The following VEPH1 variants were observed in gnomAD, a reference collection of about 807,000 sequenced individuals.
VEPH1 encodes ventricular zone-expressed PH domain-containing protein homolog 1.
In VEPH1, 80 loss-of-function variants were observed where a neutral mutation model predicts 85.2. That is an observed-to-expected ratio of 0.94 (90% CI 0.78 to 1.13). VEPH1 has a LOEUF of 1.13. VEPH1 is among the 50% of genes most tolerant of loss of function. The probability of loss-of-function intolerance (pLI) is 0.00; values close to 1 mark genes in which losing one functional copy is unlikely to be tolerated. For synonymous variants in VEPH1, 297 were observed against 348.0 expected (o/e 0.85, Z 1.63); for missense variants, 955 against 980.5 (o/e 0.97, Z 0.35).
chr3:157,470,394 G>T lies in VEPH1; in HGVS notation c.274C>A (p.His92Asn), dbSNP rs548131156. The T allele has an allele frequency of 5.8e-5, 93 of 1,614,122 alleles. 1 individual carries two copies. Among genetic ancestry groups the T allele is most frequent in the African/African-American group, 9.3e-5 (7 of 75,034 alleles). ...LVGLWDSCLE[H>N]NLRPFGKDED... ...TCTTTCCCAAAGGGTCTCAGGTTAT[G>T]TTCCAAGCAGGAGTCCCAGAGCCCC... The change falls in exon 3 of 14, where the codon CAT becomes AAT. Residue 92 changes from histidine (H) to asparagine (N), a missense_variant. Coordinates refer to ENST00000362010, the MANE Select transcript of VEPH1 (RefSeq NM_001167912.2).
At position 157,411,784 on chromosome 3, in the gene VEPH1, T is replaced by A. The variant is rs535811800; in HGVS notation, c.906+2097A>T. ...AAATTTGAACTGTGAAATAATTTAT[T>A]CCTCAGGCTATTTAGATCCACCTCT... On this transcript the variant is annotated intron_variant, in intron 6 of 13. Transcript: ENST00000362010. Among the ~76,000 whole-genome samples, 4 of 152,330 alleles carry A rather than the reference T, an allele frequency of 2.6e-5. No individual in the cohort carries two copies. The South Asian group carries it at 8.3e-4, about 32-fold the overall frequency.
intron 9 of VEPH1, among the ~76,000 whole-genome samples, chr3:157,355,932 CTT>C (rs1319404669): frequency 2.0e-5 from 3 of 146,426 alleles, no homozygotes; most frequent in Non-Finnish European, 4.5e-5. Flanking sequence ...CTGGGTCTCT[CTT>C]TGTCACCCAG....
rs71966023 is a variant in VEPH1 at position 157,260,894 on chromosome 3, CTTTTA to C, written c.*235_*239del. On this transcript the variant is annotated 3_prime_UTR_variant, in exon 14 of 14. Coordinates refer to ENST00000362010, the MANE Select transcript of VEPH1 (RefSeq NM_001167912.2). ...TATCTGAGGGCATACTCTGTAGCTC[CTTTTA>C]TTTTATTTTATTTTTGTGGGCATCA... 0.39 allele frequency: 203,882 copies of C among 523,432 alleles called. 41,667 individuals are homozygous for C. The highest frequency in any genetic ancestry group is 0.61 in the East Asian group (16,850 of 27,422). 32.4% of individuals were successfully genotyped at this position (523,432 alleles called of 1,614,324 possible).
intron 3 of VEPH1, among the ~76,000 whole-genome samples, chr3:157,460,959 A>C (rs143568426): frequency 7.2e-5 from 11 of 152,300 alleles, no homozygotes; most frequent in African/African-American, 1.9e-4. Context: ...ATCGGGGGCC[A>C]CTGATAACAG....
At chr3:157,372,774 T>C in intron 7 of VEPH1, among the ~76,000 whole-genome samples, 1 of 152,312 alleles carries the variant, frequency 6.6e-6, no homozygotes, top group African/African-American at 2.4e-5. Flanking sequence ...AAAAATAAAC[T>C]ACTAGAGAAA....
At chr3:157,405,564 C>G (rs1731081875) in intron 6 of VEPH1, among the ~76,000 whole-genome samples, 1 of 152,128 alleles carries the variant, frequency 6.6e-6, no homozygotes, top group African/African-American at 2.4e-5. Flanking sequence ...CATTATTCAT[C>G]CTATGCTCCA....
At chr3:157,489,781 A>G (rs1739054485) in intron 2 of VEPH1, among the ~76,000 whole-genome samples, 1 of 152,012 alleles carries the variant, frequency 6.6e-6, no homozygotes, top group African/African-American at 2.4e-5. Context: ...AACATAGTAG[A>G]CAACTAATAA....
chr3:157,313,510 A>G, intron 11 of VEPH1, 111 bp downstream of exon 11: 1 of 1,268,952 alleles, frequency 7.9e-7, no homozygotes, highest in Non-Finnish European at 1.1e-6. Context: ...ATAATAATAA[A>G]AGAAAGGTAA....
intron 5 of VEPH1, among the ~76,000 whole-genome samples, chr3:157,422,427 T>C (rs1732413978): frequency 6.6e-6 from 1 of 152,216 alleles, no homozygotes; most frequent in Admixed American, 6.5e-5. Flanking sequence ...GTGATACACC[T>C]ATATAGTGCC....
In VEPH1 at chr3:157,363,724, C is replaced by A. The variant is rs780750298; in HGVS notation, c.1375G>T (p.Gly459Cys). ...SLAFHTMLTK[G>C]VGSDDGEDEN... is the part of the protein sequence containing the mutation. ...TCTTCGCCGTCATCTGAACCCACAC[C>A]CTTTGTGAGCATAGTGTGGAAAGCC... Residue 459 changes from glycine (G) to cysteine (C), a missense_variant, in exon 9 of 14, where the codon GGT (glycine) becomes TGT (cysteine). By Grantham distance (159) the Gly-to-Cys change is radical. Transcript: ENST00000362010. 3 of 1,614,052 alleles carry A rather than the reference C, an allele frequency of 1.9e-6. No homozygotes were observed. The highest frequency in any genetic ancestry group is 2.5e-6 in the Non-Finnish European group (3 of 1,179,986).
At chr3:157,324,768 T>C (rs144175608) in intron 9 of VEPH1, among the ~76,000 whole-genome samples, 3 of 152,296 alleles carry the variant, frequency 2.0e-5, no homozygotes, top group Non-Finnish European at 4.4e-5. Context: ...ATTCTGTCTT[T>C]GCTATTGTGA....
intron 4 of VEPH1, chr3:157,437,508 T>G (rs1733701475): frequency 1.9e-6 from 3 of 1,602,198 alleles, no homozygotes; most frequent in African/African-American, 2.7e-5. Flanking sequence ...TATCCCGTAC[T>G]CTAGCCACGC....
In VEPH1 at chr3:157,260,428, T is replaced by C. The variant is rs929997578; in HGVS notation, c.*706A>G. Reference sequence around the variant, plus strand: ...TGAAGATAGAGAAAATGGCTTTCTATCCTTTTCCTATATTACACTTAGTGC... The same window carrying C: ...TGAAGATAGAGAAAATGGCTTTCTACCCTTTTCCTATATTACACTTAGTGC... On this transcript the variant is annotated 3_prime_UTR_variant, in exon 14 of 14. Coordinates refer to ENST00000362010, the MANE Select transcript of VEPH1 (RefSeq NM_001167912.2). The C allele has an allele frequency of 6.6e-6, 1 of 152,204 alleles. No individual in the cohort carries two copies. Among genetic ancestry groups the C allele is most frequent in the East Asian group, 1.9e-4 (1 of 5,198 alleles). 9.4% of individuals were successfully genotyped at this position (152,204 alleles called of 1,614,324 possible). A position where few individuals can be genotyped will look rare whatever the true frequency, so the allele number is the denominator to read the frequency against.
intron 4 of VEPH1, among the ~76,000 whole-genome samples, chr3:157,447,123 T>A (rs1452193655): frequency 6.6e-6 from 1 of 152,186 alleles, no homozygotes; most frequent in African/African-American, 2.4e-5. Flanking sequence ...TACGAACAAA[T>A]AAATGAATGT....
intron 3 of VEPH1, among the ~76,000 whole-genome samples, chr3:157,469,490 A>C (rs1181989581): frequency 1.3e-5 from 2 of 152,214 alleles, no homozygotes; most frequent in African/African-American, 4.8e-5. Flanking sequence ...TTTCATAGTG[A>C]AATCAGACTG....
At chr3:157,496,418 G>A (rs1739668878) in intron 1 of VEPH1, among the ~76,000 whole-genome samples, 2 of 152,294 alleles carry the variant, frequency 1.3e-5, no homozygotes, top group East Asian at 3.9e-4. Flanking sequence ...ACTGCCCCAA[G>A]GCCCCATAAT....
chr3:157,391,639 A>C (rs1302444956), intron 6 of VEPH1, among the ~76,000 whole-genome samples: 1 of 152,230 alleles, frequency 6.6e-6, no homozygotes, highest in African/African-American at 2.4e-5. Flanking sequence ...AAGAAGGAGA[A>C]AAAGTAAAAC....
At chr3:157,454,523 G>A (rs1160819143) in intron 4 of VEPH1, among the ~76,000 whole-genome samples, 3 of 152,200 alleles carry the variant, frequency 2.0e-5, no homozygotes, top group African/African-American at 7.2e-5. Context: ...GTATTAATTT[G>A]TTGGTAACCC....
At chr3:157,459,893 G>C (rs1659580461) in intron 4 of VEPH1, 1 of 1,537,194 alleles carries the variant, frequency 6.5e-7, no homozygotes, top group Non-Finnish European at 8.7e-7. Context: ...TAGTTGAACA[G>C]GTGACCAGAA....
Sources: allele counts gnomAD v4.1 joint callset (sites outside exome capture counted in the v4.1 genomes callset), GRCh38; gene constraint gnomAD v4.1.1; transcripts MANE v1.5; gene names NCBI Gene and HGNC (gene_info 2026-07-23, HGNC 2026-07-21).